Variants in SPRY3 observed in about 807,000 individuals in gnomAD.
SPRY3 encodes the protein protein sprouty homolog 3.
SPRY3 carries 15 observed loss-of-function variants against 20.2 expected under a neutral mutation model. The observed-to-expected ratio is 0.74, with a 90% CI of 0.50 to 1.14. The LOEUF (loss-of-function observed/expected upper bound fraction) is 1.14. SPRY3 is among the 50% of genes most tolerant of loss of function. The pLI is 0.00. For missense variants in SPRY3, 364 were observed against 363.9 expected, an observed-to-expected ratio of 1.00 and a Z score of 0.00; for synonymous variants, 143 against 136.5, an observed-to-expected ratio of 1.05 and a Z score of -0.33.
chrX:155,774,909 G>A, exon 4 of SPRY3: 5 of 723,238 alleles, frequency 6.9e-6, no homozygotes, highest in Non-Finnish European at 1.2e-5. Context: ...AGGATGCCTT[G>A]TTCTTTCTCA....
intron 2 of SPRY3, among the ~76,000 whole-genome samples, chrX:155,729,336 C>A (rs1224652327): frequency 6.6e-6 from 1 of 151,926 alleles, no homozygotes; most frequent in Non-Finnish European, 1.5e-5. Context: ...TTACAATATT[C>A]AAAAAATTGA....
At chrX:155,645,599 G>A (rs1391600340) in intron 1 of SPRY3, among the ~76,000 whole-genome samples, 1 of 111,905 alleles carries the variant, frequency 8.9e-6, no homozygotes, top group Non-Finnish European at 1.9e-5. Flanking sequence ...CTGTGACAGG[G>A]CAGCACTGAG....
chrX:155,650,574 A>G (rs1283465281), intron 1 of SPRY3, among the ~76,000 whole-genome samples: 1 of 112,077 alleles, frequency 8.9e-6, no homozygotes, highest in Non-Finnish European at 1.9e-5. Context: ...AGCGTTCTAT[A>G]TATGTCAATT....
At chrX:155,773,307 G>GTTATTTATATATAT (rs4013148) in intron 3 of SPRY3, among the ~76,000 whole-genome samples, 1 of 120,740 alleles carries the variant, frequency 8.3e-6, no homozygotes, top group African/African-American at 3.1e-5. Flanking sequence ...ATTTTGATTG[G>GTTATTTATATATAT]ATATATATAT....
At chrX:155,666,491 G>C (rs2068024867) in intron 2 of SPRY3, among the ~76,000 whole-genome samples, 1 of 110,643 alleles carries the variant, frequency 9.0e-6, no homozygotes, top group Non-Finnish European at 1.9e-5. Context: ...ATCCAAAAAA[G>C]AGATAATATG....
chrX:155,627,457 C>T (rs1398124647), intron 1 of SPRY3, among the ~76,000 whole-genome samples: 6 of 111,623 alleles, frequency 5.4e-5, no homozygotes, highest in African/African-American at 2.0e-4. Flanking sequence ...AATAATATTT[C>T]AAGTGGTATA....
At chrX:155,742,609 C>A (rs1281040950) in intron 2 of SPRY3, among the ~76,000 whole-genome samples, 14 of 152,172 alleles carry the variant, frequency 9.2e-5, no homozygotes. Context: ...CACTCCTCAG[C>A]AAATGCACAA....
chrX:155,618,778 C>G lies in SPRY3; in HGVS notation c.-441+6131C>G, dbSNP rs193146570. Among the ~76,000 whole-genome samples the G allele has an allele frequency of 1.0e-2, 1,107 of 111,106 alleles. 4 individuals carry two copies. Among genetic ancestry groups the G allele is most frequent in the Non-Finnish European group, 0.016 (844 of 52,829 alleles). ...ATATCTAATTGTGATTTTAATTTGC[C>G]TTTCTCTGATGATGAATGATATTGA... On this transcript the variant is annotated intron_variant, in intron 1 of 3. Transcript: ENST00000675360.
chrX:155,660,913 A>G (rs2068007961), intron 2 of SPRY3, among the ~76,000 whole-genome samples: 1 of 110,941 alleles, frequency 9.0e-6, no homozygotes, highest in African/African-American at 3.3e-5. Context: ...GTCTGTAAAT[A>G]TCTTACCAGT....
intron 2 of SPRY3, among the ~76,000 whole-genome samples, chrX:155,716,981 A>AAATATAT (rs1206891749): frequency 1.6e-5 from 1 of 63,500 alleles, no homozygotes; most frequent in African/African-American, 7.3e-5. Flanking sequence ...TAAAATACAA[A>AAATATAT]ATATATATAT....
At chrX:155,624,418 G>T (rs1557349744) in intron 1 of SPRY3, among the ~76,000 whole-genome samples, 1 of 111,591 alleles carries the variant, frequency 9.0e-6, no homozygotes, top group Admixed American at 9.5e-5. Flanking sequence ...ATGAAGAAAA[G>T]TTAAATATTT....
intron 2 of SPRY3, among the ~76,000 whole-genome samples, chrX:155,741,501 A>G (rs1318324016): frequency 6.6e-6 from 1 of 152,130 alleles, no homozygotes; most frequent in African/African-American, 2.4e-5. Flanking sequence ...AAATCCAGAG[A>G]ACCCCAGTAA....
chrX:155,696,370 T>C (rs1190660048), intron 2 of SPRY3, among the ~76,000 whole-genome samples: 1 of 110,503 alleles, frequency 9.0e-6, no homozygotes, highest in Non-Finnish European at 1.9e-5. Context: ...TTCTTGATTG[T>C]TTAAAGGTAA....
At chrX:155,670,314 C>G (rs1354398405) in intron 2 of SPRY3, among the ~76,000 whole-genome samples, 4 of 111,926 alleles carry the variant, frequency 3.6e-5, no homozygotes, top group African/African-American at 1.3e-4. Context: ...CTCTCTAAGC[C>G]TATCAGTATC....
exon 4 of SPRY3, chrX:155,774,945 TCTTTACACC>T: frequency 1.6e-6 from 1 of 624,986 alleles, no homozygotes; most frequent in Non-Finnish European, 2.8e-6. Flanking sequence ...TCCTCTTCAG[TCTTTACACC>T]CTGCCAGCTC....
chrX:155,632,262 A>G (rs2067909078), intron 1 of SPRY3, among the ~76,000 whole-genome samples: 1 of 69,445 alleles, frequency 1.4e-5, no homozygotes, highest in Admixed American at 1.5e-4. Flanking sequence ...CACACACTGT[A>G]TCCCCCAAGA....
At chrX:155,741,034 C>T (rs1312937023) in intron 2 of SPRY3, among the ~76,000 whole-genome samples, 1 of 151,972 alleles carries the variant, frequency 6.6e-6, no homozygotes, top group Non-Finnish European at 1.5e-5. Context: ...TGGGTTTCCC[C>T]GATAATAATG....
intron 2 of SPRY3, among the ~76,000 whole-genome samples, chrX:155,678,219 C>T (rs1213999948): frequency 9.0e-6 from 1 of 111,665 alleles, no homozygotes; most frequent in Non-Finnish European, 1.9e-5. Context: ...GATTTCTCCT[C>T]ATGTAATAGA....
At chrX:155,737,861 T>A (rs2091179239) in intron 2 of SPRY3, among the ~76,000 whole-genome samples, 1 of 152,168 alleles carries the variant, frequency 6.6e-6, no homozygotes, top group South Asian at 2.1e-4. Context: ...TTTAGGAAGA[T>A]TCTCTACCTT....
Sources: gnomAD v4.1 joint callset for allele counts (sites outside exome capture counted in the v4.1 genomes callset) on GRCh38, gnomAD v4.1.1 for gene constraint, MANE v1.5 for transcripts, NCBI Gene and HGNC (gene_info 2026-07-23, HGNC 2026-07-21) for gene names.